The following ARID1B variants were observed in gnomAD, a reference collection of about 807,000 sequenced individuals.
ARID1B encodes the protein AT-rich interactive domain-containing protein 1B.
Under a neutral mutation model 212.3 loss-of-function variants are expected in ARID1B, and 30 were observed. The observed-to-expected ratio is 0.14, with a 90% CI of 0.11 to 0.19. The LOEUF (loss-of-function observed/expected upper bound fraction) is 0.19, where lower values mean the gene tolerates loss of function less well. Ranked by LOEUF, ARID1B falls within the 10% of genes least tolerant of loss-of-function variation. ARID1B has a pLI of 1.00. For missense variants in ARID1B, 2,891 were observed against 3,204.0 expected, an observed-to-expected ratio of 0.90 and a Z score of 2.36; for synonymous variants, 1,402 against 1,301.7, an observed-to-expected ratio of 1.08 and a Z score of -1.66.
Position 157,052,008 on chromosome 6 carries a change from A to C in ARID1B, c.2248-32654A>C, listed in dbSNP as rs547805810. 2.6e-5 allele frequency among the ~76,000 whole-genome samples: 4 copies of C among 152,314 alleles called. No homozygotes were observed. In the East Asian group the frequency reaches 5.8e-4, roughly 22 times the overall value. On this transcript the variant is annotated intron_variant, in intron 4 of 19. Coordinates refer to ENST00000636930, the MANE Select transcript of ARID1B (RefSeq NM_001374828.1). ...AATAGGTAATTATTTTGAAAATGCC[A>C]CCAGAACAGCAGTTTGCAGAAAAAG...
intron 4 of ARID1B, chr6:157,024,824 A>G (rs1053499093): frequency 1.3e-5 from 2 of 152,210 alleles, no homozygotes; most frequent in African/African-American, 4.8e-5. Context: ...CCTTGAGACT[A>G]CATTTCAAGC....
intron 1 of ARID1B, among the ~76,000 whole-genome samples, chr6:156,788,583 G>C (rs1013930973): frequency 3.9e-5 from 6 of 152,168 alleles, no homozygotes; most frequent in Non-Finnish European, 8.8e-5. Flanking sequence ...TTAAAAGTAG[G>C]CTTCTTGGAG....
At chr6:157,173,767 G>C (rs917606611) in intron 9 of ARID1B, 37 of 387,696 alleles carry the variant, frequency 9.5e-5, no homozygotes, top group Non-Finnish European at 1.6e-4. Context: ...ACCTTCATAG[G>C]TTTGGGTCTT....
intron 2 of ARID1B, among the ~76,000 whole-genome samples, chr6:156,878,302 C>T (rs1303041552): frequency 6.6e-6 from 1 of 152,080 alleles, no homozygotes; most frequent in African/African-American, 2.4e-5. Flanking sequence ...AAGGAATTGA[C>T]AGGCTGTTGG....
At chr6:156,978,032 G>C (rs1381272144) in intron 4 of ARID1B, among the ~76,000 whole-genome samples, 6 of 152,158 alleles carry the variant, frequency 3.9e-5, no homozygotes, top group Non-Finnish European at 1.5e-5. Flanking sequence ...ATCCTTTTGG[G>C]TGCTTCTTTC....
chr6:156,981,309 C>A (rs1008369161), intron 4 of ARID1B, among the ~76,000 whole-genome samples: 1 of 152,148 alleles, frequency 6.6e-6, no homozygotes, highest in Admixed American at 6.5e-5. Flanking sequence ...AATGGAGAGT[C>A]TCTGCCGTTC....
At chr6:156,910,022 C>T (rs1156585099) in intron 3 of ARID1B, among the ~76,000 whole-genome samples, 2 of 152,156 alleles carry the variant, frequency 1.3e-5, no homozygotes, top group African/African-American at 4.8e-5. Flanking sequence ...TGCTGGTGAC[C>T]CTAGGCCACT....
intron 4 of ARID1B, among the ~76,000 whole-genome samples, chr6:157,053,909 AC>A (rs1782767766): frequency 6.6e-6 from 1 of 152,046 alleles, no homozygotes; most frequent in Non-Finnish European, 1.5e-5. Flanking sequence ...CCCCGTCTCT[AC>A]TAAAATACAA....
chr6:156,987,186 A>G (rs1777974500), intron 4 of ARID1B, among the ~76,000 whole-genome samples: 1 of 151,384 alleles, frequency 6.6e-6, no homozygotes, highest in South Asian at 2.1e-4. Flanking sequence ...AGAGAGAGAG[A>G]GAGAGAGAGA....
intron 4 of ARID1B, among the ~76,000 whole-genome samples, chr6:157,020,159 A>C (rs1385621606): frequency 6.6e-6 from 1 of 152,236 alleles, no homozygotes; most frequent in Non-Finnish European, 1.5e-5. Context: ...CGTTCAGGAA[A>C]TGTTTTATTT....
chr6:157,162,428 T>C (rs963795765), intron 8 of ARID1B, among the ~76,000 whole-genome samples: 1 of 152,184 alleles, frequency 6.6e-6, no homozygotes, highest in African/African-American at 2.4e-5. Flanking sequence ...TGTTGGGATA[T>C]GAATATGTAA....
intron 5 of ARID1B, among the ~76,000 whole-genome samples, chr6:157,091,199 C>T (rs534087971): frequency 2.0e-5 from 3 of 152,262 alleles, no homozygotes; most frequent in Admixed American, 6.5e-5. Flanking sequence ...TCCTAGAGGG[C>T]GAGAGATGCA....
chr6:156,928,227 C>A (rs2128251520), intron 3 of ARID1B, among the ~76,000 whole-genome samples: 1 of 152,222 alleles, frequency 6.6e-6, no homozygotes, highest in East Asian at 1.9e-4. Context: ...TTCTGTAGGC[C>A]TTCGGGAGGC....
chr6:157,000,257 G>A (rs1021416118), intron 4 of ARID1B, among the ~76,000 whole-genome samples: 4 of 152,150 alleles, frequency 2.6e-5, no homozygotes, highest in Admixed American at 6.5e-5. Context: ...AAAGCTGACT[G>A]GAGTCTGCAG....
intron 10 of ARID1B, chr6:157,174,470 T>A (rs1791949509): frequency 5.0e-6 from 1 of 198,824 alleles, no homozygotes; most frequent in Non-Finnish European, 1.0e-5. Context: ...TTTGGCCGCC[T>A]CAGCAACAAC....
chr6:157,189,277 A>T (rs112404370), intron 13 of ARID1B, among the ~76,000 whole-genome samples: 1 of 152,220 alleles, frequency 6.6e-6, no homozygotes, highest in Non-Finnish European at 1.5e-5. Context: ...GATTATTTCC[A>T]GTCTAGACAA....
chr6:157,076,657 A>G (rs1395456188), intron 4 of ARID1B, among the ~76,000 whole-genome samples: 1 of 152,012 alleles, frequency 6.6e-6, no homozygotes, highest in Non-Finnish European at 1.5e-5. Flanking sequence ...AAGTGGTGGT[A>G]TTGATGGCTT....
chr6:156,879,144 A>G (rs1003610756), intron 2 of ARID1B, among the ~76,000 whole-genome samples: 1 of 152,230 alleles, frequency 6.6e-6, no homozygotes, highest in Non-Finnish European at 1.5e-5. Flanking sequence ...TGTTCGCATC[A>G]TACCCACGCA....
intron 2 of ARID1B, among the ~76,000 whole-genome samples, chr6:156,861,641 A>T (rs1261379317): frequency 6.6e-6 from 1 of 152,130 alleles, no homozygotes; most frequent in Non-Finnish European, 1.5e-5. Context: ...ATTAATAAAT[A>T]AATAAGAAAC....
Sources: allele counts gnomAD v4.1 joint callset (sites outside exome capture counted in the v4.1 genomes callset), GRCh38; gene constraint gnomAD v4.1.1; transcripts MANE v1.5; gene names NCBI Gene and HGNC (gene_info 2026-07-23, HGNC 2026-07-21).